The following AHI1 variants were observed in gnomAD, a reference collection of about 807,000 sequenced individuals.
AHI1 encodes Abelson helper integration site 1, also known as jouberin.
A neutral mutation model predicts 149.3 loss-of-function variants in AHI1; 123 were observed. The ratio of observed to expected loss-of-function variants is 0.82; its 90% CI spans 0.71 to 0.96. AHI1 has a LOEUF of 0.96. Ranked by LOEUF, AHI1 falls within the 40% of genes least tolerant of loss-of-function variation. The pLI, the probability that AHI1 is intolerant of heterozygous loss-of-function variation, is 0.00. For synonymous variants in AHI1, 475 were observed against 459.8 expected, an observed-to-expected ratio of 1.03 and a Z score of -0.42; for missense variants, 1,439 against 1,422.7, an observed-to-expected ratio of 1.01 and a Z score of -0.18.
intron 5 of AHI1, 114 bp downstream of exon 5, chr6:135,490,507 CAT>C: frequency 8.4e-7 from 1 of 1,187,640 alleles, no homozygotes; most frequent in Non-Finnish European, 1.2e-6. Context: ...TTGACCATGA[CAT>C]AGTGTTACTG....
At chr6:135,476,717 G>T (rs1792712869) in intron 5 of AHI1, among the ~76,000 whole-genome samples, 1 of 151,888 alleles carries the variant, frequency 6.6e-6, no homozygotes, top group South Asian at 2.1e-4. Flanking sequence ...TCATTAAAAA[G>T]ATTCCTTTTC....
intron 5 of AHI1, among the ~76,000 whole-genome samples, chr6:135,469,259 C>CTT (rs1791320168): frequency 6.6e-6 from 1 of 152,032 alleles, no homozygotes; most frequent in Admixed American, 6.6e-5. Flanking sequence ...AGACAAAAAC[C>CTT]ATATGATTAT....
intron 23 of AHI1, among the ~76,000 whole-genome samples, chr6:135,382,504 A>G (rs1293355793): frequency 6.6e-6 from 1 of 152,206 alleles, no homozygotes. Flanking sequence ...AAATTCTATT[A>G]TATCACAGAC....
chr6:135,285,332 A>T lies in AHI1; in HGVS notation c.*313T>A. The T allele has an allele frequency of 2.3e-6, 1 of 442,458 alleles. No individual in the cohort carries two copies. The highest frequency in any genetic ancestry group is 4.1e-6 in the Non-Finnish European group (1 of 245,532). 27.4% of individuals were successfully genotyped at this position (442,458 alleles called of 1,614,324 possible). ...CTTTTATTCACATTTGCTGAGTAGC[A>T]ATTACAGTGTTTTCTTCATTAGTTT... On this transcript the variant is annotated 3_prime_UTR_variant, in exon 29 of 29. Transcript: ENST00000265602.
At chr6:135,420,527 T>C (rs754780245) in intron 20 of AHI1, among the ~76,000 whole-genome samples, 6 of 152,154 alleles carry the variant, frequency 3.9e-5, no homozygotes, top group Non-Finnish European at 8.8e-5. Flanking sequence ...TGCTACAGCT[T>C]CTAGATCATC....
At chr6:135,421,869 CTTTTAAT>C (rs1461570291) in intron 20 of AHI1, among the ~76,000 whole-genome samples, 1 of 152,120 alleles carries the variant, frequency 6.6e-6, no homozygotes, top group African/African-American at 2.4e-5. Context: ...GCATTTCTAT[CTTTTAAT>C]TTCTCCTACC....
intron 23 of AHI1, among the ~76,000 whole-genome samples, chr6:135,390,358 C>T (rs1778305821): frequency 1.3e-5 from 2 of 152,166 alleles, no homozygotes; most frequent in Admixed American, 1.3e-4. Flanking sequence ...AGGATGTCCT[C>T]CTTGACACCT....
chr6:135,336,585 G>A (rs1789424589), intron 24 of AHI1, among the ~76,000 whole-genome samples: 2 of 152,162 alleles, frequency 1.3e-5, no homozygotes, highest in African/African-American at 4.8e-5. Context: ...ATGACAAAGT[G>A]AGACCCTGCC....
chr6:135,400,328 A>G (rs984421087), intron 22 of AHI1, among the ~76,000 whole-genome samples: 3 of 152,148 alleles, frequency 2.0e-5, no homozygotes, highest in African/African-American at 7.2e-5. Context: ...TCAGTGAATA[A>G]TATGTTCCGA....
chr6:135,313,498 T>C (rs1785498259), intron 26 of AHI1, among the ~76,000 whole-genome samples: 2 of 152,174 alleles, frequency 1.3e-5, no homozygotes, highest in African/African-American at 2.4e-5. Flanking sequence ...TGGGCATCAG[T>C]GGGATTAGCC....
intron 6 of AHI1, among the ~76,000 whole-genome samples, chr6:135,466,733 C>T (rs1366419746): frequency 6.6e-6 from 1 of 152,054 alleles, no homozygotes; most frequent in African/African-American, 2.4e-5. Flanking sequence ...CTAAAAGAGC[C>T]ATTGAATGTG....
chr6:135,473,660 C>T (rs1792121053), intron 5 of AHI1, among the ~76,000 whole-genome samples: 1 of 152,114 alleles, frequency 6.6e-6, no homozygotes, highest in South Asian at 2.1e-4. Flanking sequence ...TATCTATTTA[C>T]TTAGGTCTTT....
intron 24 of AHI1, among the ~76,000 whole-genome samples, chr6:135,350,049 G>C (rs1055965638): frequency 6.6e-6 from 1 of 152,194 alleles, no homozygotes; most frequent in Non-Finnish European, 1.5e-5. Flanking sequence ...CAAGGAAAAA[G>C]AAATCTTTAT....
At chr6:135,376,743 T>A (rs1015689308) in intron 23 of AHI1, among the ~76,000 whole-genome samples, 3 of 151,428 alleles carry the variant, frequency 2.0e-5, no homozygotes, top group African/African-American at 4.9e-5. Context: ...TTAGCTGGGC[T>A]TGGTGACGCA....
chr6:135,431,152 T>C (rs571236957), intron 17 of AHI1, 56 bp downstream of exon 17: 7 of 1,195,022 alleles, frequency 5.9e-6, no homozygotes, highest in East Asian at 5.1e-5. Flanking sequence ...AGTCATGTGA[T>C]TGGATTTTTC....
chr6:135,441,773 C>T (rs760859138), intron 14 of AHI1, among the ~76,000 whole-genome samples: 17 of 152,000 alleles, frequency 1.1e-4, no homozygotes, highest in Non-Finnish European at 2.4e-4. Context: ...TTAAAAATAG[C>T]ATAGTGGTAA....
At chr6:135,301,960 C>T in intron 26 of AHI1, 8 of 985,122 alleles carry the variant, frequency 8.1e-6, no homozygotes, top group Non-Finnish European at 9.6e-6. Context: ...AAATTCTAAA[C>T]ACAGCAGTCA....
In AHI1 at chr6:135,438,414, T is replaced by A. The variant is rs863225147; in HGVS notation, c.1997A>T (p.Asp666Val). 8 of 1,574,294 alleles carry A rather than the reference T, an allele frequency of 5.1e-6. No homozygotes were observed. The highest frequency in any genetic ancestry group is 1.3e-5 in the African/African-American group (1 of 74,218). The change falls in exon 15 of 29, where the codon GAT (aspartate) becomes GTT (valine). Residue 666 changes from aspartate (D) to valine (V), a missense_variant. By Grantham distance (152) the Asp-to-Val change is radical. Transcript: ENST00000265602. Reference protein sequence around the residue: ...IIYDLSWSKDDHYILTSSSDG... With the variant: ...IIYDLSWSKDVHYILTSSSDG... Reference sequence around the variant, plus strand: ...AGATGATGAAGTAAGGATGTAGTGATCATCTTTTGACCAGGAAAGATCATA... The same window carrying A: ...AGATGATGAAGTAAGGATGTAGTGAACATCTTTTGACCAGGAAAGATCATA...
chr6:135,344,358 C>T (rs1790835602), intron 24 of AHI1, among the ~76,000 whole-genome samples: 1 of 150,464 alleles, frequency 6.6e-6, no homozygotes, highest in African/African-American at 2.4e-5. Context: ...TAATTAGCTA[C>T]AAATAATATA....
Sources: gnomAD v4.1 joint callset for allele counts (sites outside exome capture counted in the v4.1 genomes callset) on GRCh38, gnomAD v4.1.1 for gene constraint, MANE v1.5 for transcripts, NCBI Gene and HGNC (gene_info 2026-07-23, HGNC 2026-07-21) for gene names.